The following EMCN variants were observed in gnomAD, a reference collection of about 807,000 sequenced individuals.
The protein encoded by EMCN is endomucin, also known as MUC-14.
A neutral mutation model predicts 38.4 loss-of-function variants in EMCN; 37 were observed. The ratio of observed to expected loss-of-function variants is 0.96; its 90% confidence interval spans 0.74 to 1.27. EMCN has a LOEUF of 1.27. Among genes scored for constraint, EMCN ranks in the 50% most tolerant of loss-of-function variants. EMCN has a pLI of 0.00. For synonymous variants in EMCN, 95 were observed against 100.8 expected (o/e 0.94, Z 0.35); for missense variants, 318 against 302.8 (o/e 1.05, Z -0.37).
In EMCN at chr4:100,465,479, A is replaced by C; in HGVS notation, c.320T>G (p.Val107Gly). Residue 107 changes from valine (V) to glycine (G), a missense_variant, in exon 4 of 12, where the codon GTA (valine) becomes GGA (glycine). By Grantham distance (109) the Val-to-Gly change is moderately radical. Coordinates refer to ENST00000296420, the MANE Select transcript of EMCN (RefSeq NM_016242.4). ...AGCATTTGGAAGTGTAACACTTGTT[A>C]CTGTTACGTTTGAAATGATGGAGTC... ...KNDSIISNVT[V>G]TSVTLPNAVS... 1 of 1,609,640 alleles carries C rather than the reference A, an allele frequency of 6.2e-7. No individual in the cohort carries two copies. Among genetic ancestry groups the C allele is most frequent in the Non-Finnish European group, 8.5e-7 (1 of 1,177,200 alleles).
chr4:100,436,248 A>G (rs1446629432), intron 5 of EMCN, among the ~76,000 whole-genome samples: 1 of 152,216 alleles, frequency 6.6e-6, no homozygotes, highest in Non-Finnish European at 1.5e-5. Flanking sequence ...TCATGCAGTC[A>G]ACAAACATGA....
At chr4:100,480,792 A>G (rs1456230086) in intron 1 of EMCN, among the ~76,000 whole-genome samples, 1 of 151,986 alleles carries the variant, frequency 6.6e-6, no homozygotes, top group African/African-American at 2.4e-5. Flanking sequence ...TTTCTTTTAA[A>G]TAAGGATTCT....
chr4:100,446,231 G>T, intron 5 of EMCN: 1 of 984,504 alleles, frequency 1.0e-6, no homozygotes, highest in Non-Finnish European at 1.2e-6. Flanking sequence ...TTCCTCTAGT[G>T]CCTGCCAATT....
chr4:100,413,542 GT>G (rs957451606), intron 10 of EMCN, among the ~76,000 whole-genome samples: 1 of 152,136 alleles, frequency 6.6e-6, no homozygotes, highest in Non-Finnish European at 1.5e-5. Flanking sequence ...GTTTGCTAGT[GT>G]TTGGGGAGCC....
chr4:100,440,648 CTTTA>C (rs879750095), intron 5 of EMCN, among the ~76,000 whole-genome samples: 4 of 151,854 alleles, frequency 2.6e-5, no homozygotes, highest in African/African-American at 7.3e-5. Flanking sequence ...ATATATCACA[CTTTA>C]TTTATGCACT....
intron 4 of EMCN, among the ~76,000 whole-genome samples, chr4:100,456,983 A>G (rs758378468): frequency 2.0e-5 from 3 of 152,182 alleles, no homozygotes; most frequent in Non-Finnish European, 4.4e-5. Context: ...TTCATGCTAT[A>G]TGATAACGTA....
rs986433264 is a variant in EMCN at position 100,401,307 on chromosome 4, C to T, written c.*40-2934G>A. Among the ~76,000 whole-genome samples the T allele has an allele frequency of 5.9e-5, 9 of 152,042 alleles. No individual in the cohort carries two copies. The South Asian group carries it at 1.0e-3, about 18-fold the overall frequency. ...TACATTAATAAAAAATAATACAAAT[C>T]GAAATATAGTATAACAACTATTTAT... On this transcript the variant is annotated intron_variant, in intron 11 of 11. Transcript: ENST00000296420.
chr4:100,469,418 T>A lies in EMCN; in HGVS notation c.260-3879A>T, dbSNP rs147379440. 2.6e-5 allele frequency among the ~76,000 whole-genome samples: 4 copies of A among 152,132 alleles called. No homozygotes were observed. The East Asian group carries it at 7.7e-4, about 29-fold the overall frequency. On this transcript the variant is annotated intron_variant, in intron 3 of 11. Coordinates refer to ENST00000296420, the MANE Select transcript of EMCN (RefSeq NM_016242.4). ...AAAAGCTCAGCTACAAAAGCAAAAG[T>A]AAATAAATGGGACTACATCAAACTA...
At chr4:100,428,763 C>T (rs1248846074) in intron 5 of EMCN, among the ~76,000 whole-genome samples, 6 of 151,944 alleles carry the variant, frequency 3.9e-5, no homozygotes, top group Non-Finnish European at 2.9e-5. Flanking sequence ...CTCATTCATT[C>T]GACAACAACA....
rs1162763204 is a variant in EMCN, at chr4:100,459,235, T to TAG, written c.376+6186_376+6187dup. ...TCTCTCTCTCTCTCTCTCTCATCTC[T>TAG]AGAGAGAGAGACAGAGAGGTTGTTT... On this transcript the variant is annotated intron_variant, in intron 4 of 11. Coordinates refer to ENST00000296420, the MANE Select transcript of EMCN (RefSeq NM_016242.4). Among the ~76,000 whole-genome samples the TAG allele has an allele frequency of 1.3e-4, 18 of 143,898 alleles. No homozygotes were observed. The South Asian group carries it at 3.5e-3, about 28-fold the overall frequency. 94.4% of individuals were successfully genotyped at this position (143,898 alleles called of 152,430 possible).
chr4:100,487,571 T>A (rs1728973138), intron 1 of EMCN, among the ~76,000 whole-genome samples: 3 of 152,318 alleles, frequency 2.0e-5, no homozygotes, highest in Admixed American at 6.5e-5. Flanking sequence ...ATAATCCCCA[T>A]GTGTCAAGGG....
At chr4:100,410,255 C>G (rs1389130844) in intron 11 of EMCN, 27 bp downstream of exon 11, 2 of 1,412,286 alleles carry the variant, frequency 1.4e-6, no homozygotes, top group Non-Finnish European at 2.0e-6. Context: ...TAATGATTGT[C>G]TCCGTGAATG....
At chr4:100,452,722 A>C (rs991174547) in intron 4 of EMCN, among the ~76,000 whole-genome samples, 5 of 151,956 alleles carry the variant, frequency 3.3e-5, no homozygotes, top group African/African-American at 1.2e-4. Context: ...TTTCTCTTCT[A>C]TCCTCATAAA....
chr4:100,419,016 C>T (rs2043351), intron 8 of EMCN, among the ~76,000 whole-genome samples: 14,470 of 152,030 alleles, frequency 0.095, 827 homozygotes, highest in South Asian at 0.14. Flanking sequence ...CCACAGCGTA[C>T]GAGGTTTCCC....
In EMCN at chr4:100,515,357, C is replaced by T. The variant is rs534866672; in HGVS notation, c.64+2494G>A. Among the ~76,000 whole-genome samples, 11 of 152,142 alleles carry T rather than the reference C, an allele frequency of 7.2e-5. No individual in the cohort carries two copies. The East Asian group carries it at 1.4e-3, about 19-fold the overall frequency. On this transcript the variant is annotated intron_variant, in intron 1 of 11. Coordinates refer to ENST00000296420, the MANE Select transcript of EMCN (RefSeq NM_016242.4). ...AAACCTTAAGAAAGAATGGCAGTTC[C>T]GTTTCAGAAACCTTCCATACACATT...
At chr4:100,440,726 A>G (rs1389053185) in intron 5 of EMCN, among the ~76,000 whole-genome samples, 1 of 152,030 alleles carries the variant, frequency 6.6e-6, no homozygotes, top group Admixed American at 6.6e-5. Context: ...GTTACTATAA[A>G]CATACATGCG....
chr4:100,400,012 A>G (rs141563858), intron 11 of EMCN, among the ~76,000 whole-genome samples: 188 of 152,264 alleles, frequency 1.2e-3, no homozygotes, highest in Non-Finnish European at 2.2e-3. Context: ...TTAGTACTTC[A>G]TTCTAGCCTC....
chr4:100,504,996 G>C (rs900510391), intron 1 of EMCN, among the ~76,000 whole-genome samples: 1 of 152,218 alleles, frequency 6.6e-6, no homozygotes, highest in African/African-American at 2.4e-5. Context: ...ATTGGTGAAA[G>C]TACTAAAAGT....
chr4:100,396,234 G>A lies in EMCN; in HGVS notation c.*2179C>T, dbSNP rs1003173573. On this transcript the variant is annotated 3_prime_UTR_variant, in exon 12 of 12. Coordinates refer to ENST00000296420, the MANE Select transcript of EMCN (RefSeq NM_016242.4). ...CAATCCTCCTTTGACCTTTTTGAAA[G>A]ATTTAATCTCATAGTTGTTAGATTA... 1 of 152,130 alleles carries A rather than the reference G, an allele frequency of 6.6e-6. No individual in the cohort carries two copies. The highest frequency in any genetic ancestry group is 1.5e-5 in the Non-Finnish European group (1 of 68,032). The allele number at this position is 152,130 out of a possible 1,614,324, so 9.4% of individuals were successfully genotyped here.
Sources: allele counts gnomAD v4.1 joint callset (sites outside exome capture counted in the v4.1 genomes callset), GRCh38; gene constraint gnomAD v4.1.1; transcripts MANE v1.5; gene names NCBI Gene and HGNC (gene_info 2026-07-23, HGNC 2026-07-21).